FRMPD4: variants seen among roughly 807,000 people sequenced by gnomAD.
FRMPD4 encodes FERM and PDZ domain-containing protein 4.
A neutral mutation model predicts 94.1 loss-of-function variants in FRMPD4; 22 were observed. The observed-to-expected ratio is 0.23, with a 90% CI of 0.17 to 0.33. The LOEUF (loss-of-function observed/expected upper bound fraction) is 0.33, where lower values mean the gene tolerates loss of function less well. FRMPD4 is among the 10% of genes least tolerant of loss of function. The probability of loss-of-function intolerance (pLI) is 1.00; values close to 1 mark genes in which losing one functional copy is unlikely to be tolerated. For missense variants in FRMPD4, 1,111 were observed against 1,339.9 expected (o/e 0.83, Z 2.67); for synonymous variants, 631 against 548.6 (o/e 1.15, Z -2.10).
intron 2 of FRMPD4, among the ~76,000 whole-genome samples, chrX:12,505,297 G>A (rs1309643058): frequency 1.8e-5 from 2 of 112,020 alleles, no homozygotes; most frequent in Admixed American, 1.9e-4. Context: ...TGGGGCACAG[G>A]CAGAAATTCT....
chrX:12,024,129 T>C (rs1381715614), intron 3 of FRMPD4, among the ~76,000 whole-genome samples: 1 of 112,208 alleles, frequency 8.9e-6, no homozygotes, highest in Non-Finnish European at 1.9e-5. Flanking sequence ...TTATCTATAA[T>C]CTGTACTCTA....
intron 3 of FRMPD4, among the ~76,000 whole-genome samples, chrX:12,019,976 A>G (rs948891905): frequency 4.5e-5 from 5 of 112,232 alleles, no homozygotes; most frequent in Non-Finnish European, 9.4e-5. Flanking sequence ...TGTTTTATGT[A>G]TATAGAAACT....
chrX:12,648,677 C>A (rs1106642), intron 4 of FRMPD4, among the ~76,000 whole-genome samples: 1 of 111,157 alleles, frequency 9.0e-6, no homozygotes, highest in Non-Finnish European at 1.9e-5. Context: ...GCTTCAGAAC[C>A]CAAAGATGAA....
chrX:12,531,386 T>G (rs1019400175), intron 2 of FRMPD4, among the ~76,000 whole-genome samples: 22 of 111,906 alleles, frequency 2.0e-4, no homozygotes, highest in African/African-American at 6.8e-4. Flanking sequence ...CACACTAACC[T>G]TACCTTTAAC....
intron 2 of FRMPD4, among the ~76,000 whole-genome samples, chrX:12,552,586 A>G (rs1413480087): frequency 8.9e-6 from 1 of 112,022 alleles, no homozygotes; most frequent in Non-Finnish European, 1.9e-5. Flanking sequence ...TTCACTTGAA[A>G]TGTTTCCTTT....
intron 3 of FRMPD4, among the ~76,000 whole-genome samples, chrX:12,095,941 C>T (rs987290829): frequency 2.1e-4 from 24 of 112,106 alleles, no homozygotes; most frequent in Admixed American, 1.5e-3. Context: ...GGGCTTGGTC[C>T]ACCCTAATCT....
chrX:12,160,924 G>T (rs1225556091), intron 1 of FRMPD4, among the ~76,000 whole-genome samples: 1 of 110,650 alleles, frequency 9.0e-6, no homozygotes, highest in African/African-American at 3.3e-5. Flanking sequence ...TTACTAATAT[G>T]GTTATTAATA....
rs142937176 is a variant in FRMPD4, at chrX:12,457,264, A to G, written c.42-41416A>G. Among the ~76,000 whole-genome samples the G allele has an allele frequency of 7.9e-3, 888 of 111,982 alleles. 7 individuals carry two copies. Among genetic ancestry groups the G allele is most frequent in the African/African-American group, 0.028 (857 of 30,857 alleles). On this transcript the variant is annotated intron_variant, in intron 1 of 16. Transcript: ENST00000675598. ...CAGGGGAACTGGAGAGAGGGTAGGC[A>G]GTTGACATACTACAGAGAAGAAGAA...
chrX:12,444,622 A>G (rs2057174914), intron 1 of FRMPD4, among the ~76,000 whole-genome samples: 1 of 111,996 alleles, frequency 8.9e-6, no homozygotes, highest in Admixed American at 9.5e-5. Flanking sequence ...AAACAAGAGA[A>G]ATATATTGGC....
intron 2 of FRMPD4, among the ~76,000 whole-genome samples, chrX:12,585,902 T>C (rs1264169284): frequency 8.9e-6 from 1 of 112,505 alleles, no homozygotes; most frequent in East Asian, 2.8e-4. Flanking sequence ...CTGCTGAAAA[T>C]TGGGAATAAT....
chrX:12,165,460 G>A (rs1341350790), intron 1 of FRMPD4, among the ~76,000 whole-genome samples: 1 of 111,730 alleles, frequency 9.0e-6, no homozygotes, highest in Admixed American at 9.5e-5. Flanking sequence ...TAGCCTTGTA[G>A]TATAGTTTGA....
At chrX:11,894,611 T>G (rs183356716) in intron 3 of FRMPD4, among the ~76,000 whole-genome samples, 206 of 112,281 alleles carry the variant, frequency 1.8e-3, no homozygotes, top group African/African-American at 6.2e-3. Context: ...GATCCAGGCA[T>G]GTTTTTAAAG....
At chrX:12,686,898 T>G (rs1373373191) in intron 7 of FRMPD4, among the ~76,000 whole-genome samples, 1 of 111,987 alleles carries the variant, frequency 8.9e-6, no homozygotes, top group Non-Finnish European at 1.9e-5. Flanking sequence ...CAAAAGTGTA[T>G]TCAGAAATTG....
chrX:11,943,602 A>G (rs2054174102), intron 3 of FRMPD4, among the ~76,000 whole-genome samples: 1 of 110,843 alleles, frequency 9.0e-6, no homozygotes, highest in Admixed American at 9.6e-5. Flanking sequence ...TCCCAAGATA[A>G]CTACATTATT....
intron 3 of FRMPD4, among the ~76,000 whole-genome samples, chrX:12,013,237 G>A (rs892508838): frequency 6.3e-5 from 7 of 111,873 alleles, no homozygotes; most frequent in Non-Finnish European, 9.4e-5. Context: ...CTTTCTCCAG[G>A]AAAGGTAAAC....
chrX:12,295,458 A>G (rs1186820759), intron 1 of FRMPD4, among the ~76,000 whole-genome samples: 2 of 112,625 alleles, frequency 1.8e-5, no homozygotes, highest in East Asian at 5.6e-4. Flanking sequence ...TAACAACTTC[A>G]TAGAATTTTT....
At chrX:12,368,397 T>C in intron 1 of FRMPD4, among the ~76,000 whole-genome samples, 1 of 112,084 alleles carries the variant, frequency 8.9e-6, no homozygotes. Flanking sequence ...TATAAATTAT[T>C]TGTGCTGTAT....
intron 1 of FRMPD4, among the ~76,000 whole-genome samples, chrX:12,385,436 G>C (rs1050921091): frequency 8.9e-6 from 1 of 112,355 alleles, no homozygotes; most frequent in African/African-American, 3.2e-5. Context: ...CTTCTGACCT[G>C]CTGCCTGTGA....
chrX:12,720,560 C>T lies in FRMPD4; in HGVS notation c.3991C>T (p.Arg1331Ter), dbSNP rs747156659. The change falls in exon 17 of 17, where the codon CGA (arginine) becomes TGA (stop). Residue 1331 changes from arginine to a stop codon, truncating the protein, a stop_gained. Coordinates refer to ENST00000675598, the MANE Select transcript of FRMPD4 (RefSeq NM_001368397.1). LOFTEE classifies it high-confidence loss of function. The stretch of plus-strand genomic sequence containing the variant: ...TTTGACAGAGCCTGGGAAGGAGAGA[C>T]GAGGAGGCATGCCTTCAGCTTGGTC... ...TALTEPGKERRGGMPSAWSQH... is the reference protein window; with the variant it reads ...TALTEPGKER The T allele has an allele frequency of 3.3e-6, 4 of 1,201,610 alleles. No homozygotes were observed. The highest frequency in any genetic ancestry group is 1.8e-5 in the African/African-American group (1 of 56,534).
Sources: gnomAD v4.1 joint callset for allele counts (sites outside exome capture counted in the v4.1 genomes callset) on GRCh38, gnomAD v4.1.1 for gene constraint, MANE v1.5 for transcripts, NCBI Gene and HGNC (gene_info 2026-07-23, HGNC 2026-07-21) for gene names.